Variants in KCTD21 observed in about 807,000 individuals in gnomAD.
KCTD21 encodes the protein BTB/POZ domain-containing protein KCTD21.
In KCTD21, 9 loss-of-function variants were observed where a neutral mutation model predicts 13.2. That is an observed-to-expected ratio of 0.68 (90% CI 0.41 to 1.19). The LOEUF (loss-of-function observed/expected upper bound fraction) is 1.19. Among genes scored for constraint, KCTD21 ranks in the 50% most tolerant of loss-of-function variants. The pLI is 0.01. For synonymous variants in KCTD21, 142 were observed against 137.4 expected (o/e 1.03, Z -0.23); for missense variants, 303 against 336.5 (o/e 0.90, Z 0.78).
At chr11:78,176,150 G>C (rs1329031346) in intron 1 of KCTD21, 1 of 152,154 alleles carries the variant, frequency 6.6e-6, no homozygotes, top group Non-Finnish European at 1.5e-5. Flanking sequence ...GGACATTTGG[G>C]TTGGTTCCAA....
intron 1 of KCTD21, chr11:78,187,343 C>G: frequency 1.0e-6 from 1 of 985,372 alleles, no homozygotes; most frequent in Non-Finnish European, 1.2e-6. Flanking sequence ...TCTAAGAAAT[C>G]CGAAGGCTGC....
At chr11:78,188,024 C>CG in intron 1 of KCTD21, 2 of 985,414 alleles carry the variant, frequency 2.0e-6, no homozygotes, top group Non-Finnish European at 2.4e-6. Flanking sequence ...GGGATGGACT[C>CG]TTTATTTCCA....
At chr11:78,174,898 T>C (rs1052839758) in intron 1 of KCTD21, 6 of 220,572 alleles carry the variant, frequency 2.7e-5, no homozygotes, top group African/African-American at 1.4e-4. Context: ...CCAGCCCTGG[T>C]ATTTTGAAAG....
In KCTD21 at chr11:78,187,332, C is replaced by T. The variant is rs113932084; in HGVS notation, c.-30+1241G>A. The T allele has an allele frequency of 6.5e-4, 641 of 985,410 alleles. 4 individuals are homozygous for T. In the African/African-American group the frequency reaches 0.01, roughly 16 times the overall value. The allele number at this position is 985,410 out of a possible 1,614,324, so 61.0% of individuals were successfully genotyped here. A position where few individuals can be genotyped will look rare whatever the true frequency, so the allele number is the denominator to read the frequency against. On this transcript the variant is annotated intron_variant, in intron 1 of 1. Transcript: ENST00000340067. ...TAATTCTGTCTTGCCCAGTCCATATCTCTAAGAAATCCGAAGGCTGCTCTA... is the reference window on the plus strand; with the variant it reads ...TAATTCTGTCTTGCCCAGTCCATATTTCTAAGAAATCCGAAGGCTGCTCTA...
intron 1 of KCTD21, among the ~76,000 whole-genome samples, chr11:78,179,913 C>T (rs1862565686): frequency 1.3e-5 from 2 of 152,194 alleles, no homozygotes; most frequent in Admixed American, 6.5e-5. Flanking sequence ...TTGCACAACC[C>T]CCTCTGGCAG....
intron 1 of KCTD21, among the ~76,000 whole-genome samples, chr11:78,176,570 C>T (rs964306920): frequency 1.3e-5 from 2 of 152,126 alleles, no homozygotes; most frequent in African/African-American, 4.8e-5. Context: ...GTAGGGATGC[C>T]AAGAGGAACT....
chr11:78,173,533 T>G lies in KCTD21; in HGVS notation c.*239A>C, dbSNP rs1371233496. ...TCCTTTAGTACACATCAGCTGACTC[T>G]TCACTTGTCATAATAAACCGCCTGT... On this transcript the variant is annotated 3_prime_UTR_variant, in exon 2 of 2. Transcript: ENST00000340067. 1 of 506,456 alleles carries G rather than the reference T, an allele frequency of 2.0e-6. No individual in the cohort carries two copies. Among genetic ancestry groups the G allele is most frequent in the East Asian group, 3.5e-5 (1 of 28,790 alleles). The allele number at this position is 506,456 out of a possible 1,614,324, so 31.4% of individuals were successfully genotyped here. A position where few individuals can be genotyped will look rare whatever the true frequency, so the allele number is the denominator to read the frequency against.
At chr11:78,184,108 A>G (rs1011079918) in intron 1 of KCTD21, among the ~76,000 whole-genome samples, 6 of 152,226 alleles carry the variant, frequency 3.9e-5, no homozygotes, top group African/African-American at 1.4e-4. Flanking sequence ...GAATCACTTC[A>G]CAGATTACTT....
At chr11:78,179,781 C>T (rs568208360) in intron 1 of KCTD21, among the ~76,000 whole-genome samples, 1 of 152,318 alleles carries the variant, frequency 6.6e-6, no homozygotes, top group African/African-American at 2.4e-5. Flanking sequence ...CCACCCCTGT[C>T]TACCTTCTCT....
chr11:78,174,774 G>A (rs1455654042), intron 1 of KCTD21, 191 bp from the exon 2 acceptor site: 1 of 476,132 alleles, frequency 2.1e-6, no homozygotes, highest in Non-Finnish European at 3.7e-6. Flanking sequence ...AGGAGAAAGG[G>A]AAAAGGAAAG....
chr11:78,185,597 AT>A (rs58401363), intron 1 of KCTD21, among the ~76,000 whole-genome samples: 125 of 145,386 alleles, frequency 8.6e-4, no homozygotes, highest in East Asian at 2.4e-3. Context: ...CACTAGGCCT[AT>A]TTTTTTTTTT....
Position 78,173,958 on chromosome 11 carries a change from C to G in KCTD21, c.597G>C (p.Glu199Asp). Reference sequence around the variant, plus strand: ...GCCTCTTGAGGTTCTGCTTGGTGTACTCCTCCTCTGGCAGGCCCTCCACAT... The same window carrying G: ...GCCTCTTGAGGTTCTGCTTGGTGTAGTCCTCCTCTGGCAGGCCCTCCACAT... ...VANVEGLPEE[E>D]YTKQNLKRLW... Residue 199 changes from glutamate (E) to aspartate (D), a missense_variant, in exon 2 of 2, where the codon GAG becomes GAC. Transcript: ENST00000340067. 6.2e-7 allele frequency: 1 copy of G among 1,614,060 alleles called. No individual in the cohort carries two copies. The highest frequency in any genetic ancestry group is 8.5e-7 in the Non-Finnish European group (1 of 1,180,028).
chr11:78,177,776 T>G (rs551605922), intron 1 of KCTD21: 6 of 152,316 alleles, frequency 3.9e-5, no homozygotes, highest in Non-Finnish European at 5.9e-5. Context: ...CAGAGAGGAC[T>G]TGGACAGTTC....
chr11:78,183,440 G>A (rs1324661717), intron 1 of KCTD21, among the ~76,000 whole-genome samples: 1 of 150,758 alleles, frequency 6.6e-6, no homozygotes, highest in Admixed American at 6.6e-5. Context: ...GGAGGCTGAG[G>A]CAGGAGAATC....
Position 78,174,562 on chromosome 11 carries a change from G to A in KCTD21, c.-8C>T. The stretch of plus-strand genomic sequence containing the variant: ...CGTGATGGGGTCGGACATGGCAGGA[G>A]ACTGGGTTGCTGGAAGTAGTCCTGG... On this transcript the variant is annotated 5_prime_UTR_variant, in exon 2 of 2. Coordinates refer to ENST00000340067, the MANE Select transcript of KCTD21 (RefSeq NM_001029859.3). The A allele has an allele frequency of 6.2e-7, 1 of 1,603,656 alleles. No homozygotes were observed. Among genetic ancestry groups the A allele is most frequent in the Non-Finnish European group, 8.5e-7 (1 of 1,174,366 alleles).
intron 1 of KCTD21, chr11:78,188,044 G>A: frequency 1.0e-6 from 1 of 985,424 alleles, no homozygotes; most frequent in South Asian, 4.7e-5. Context: ...AGTCAGTAAA[G>A]GGAGGTGTTC....
At chr11:78,186,309 C>T (rs1862761474) in intron 1 of KCTD21, among the ~76,000 whole-genome samples, 2 of 134,468 alleles carry the variant, frequency 1.5e-5, no homozygotes, top group Admixed American at 1.6e-4. Context: ...GGAGGTCAGG[C>T]TGCAGCAAGC....
intron 1 of KCTD21, among the ~76,000 whole-genome samples, chr11:78,183,637 T>C (rs981397037): frequency 2.6e-5 from 4 of 151,764 alleles, no homozygotes; most frequent in Non-Finnish European, 5.9e-5. Context: ...GAAAAATTAA[T>C]TCTTTTTTTT....
chr11:78,187,598 T>A (rs17136335), intron 1 of KCTD21: 1 of 985,396 alleles, frequency 1.0e-6, no homozygotes, highest in African/African-American at 1.7e-5. Flanking sequence ...CCTTGTGCTT[T>A]TCCTCCGGCA....
Sources: gnomAD v4.1 joint callset for allele counts (sites outside exome capture counted in the v4.1 genomes callset) on GRCh38, gnomAD v4.1.1 for gene constraint, MANE v1.5 for transcripts, NCBI Gene and HGNC (gene_info 2026-07-23, HGNC 2026-07-21) for gene names.